The following NMT2 variants were observed in gnomAD, a reference collection of about 807,000 sequenced individuals.
NMT2 encodes N-myristoyltransferase 2.
In NMT2, 35 loss-of-function variants were observed where a neutral mutation model predicts 65.4. That is an observed-to-expected ratio of 0.54 (90% CI 0.41 to 0.71). The LOEUF is 0.71. Ranked by LOEUF, NMT2 falls within the 30% of genes least tolerant of loss-of-function variation. The pLI is 0.00. For missense variants in NMT2, 489 were observed against 611.3 expected (o/e 0.80, Z 2.11); for synonymous variants, 226 against 231.8 (o/e 0.98, Z 0.23).
intron 1 of NMT2, among the ~76,000 whole-genome samples, chr10:15,149,550 CCATCATCACCAA>C (rs1564585155): frequency 1.8e-4 from 12 of 68,052 alleles, no homozygotes; most frequent in Middle Eastern, 7.6e-3. Context: ...ACCATCACCA[CCATCATCACCAA>C]CATCATCACC....
chr10:15,117,380 G>A (rs1845778669), intron 9 of NMT2, among the ~76,000 whole-genome samples: 1 of 152,164 alleles, frequency 6.6e-6, no homozygotes, highest in Non-Finnish European at 1.5e-5. Flanking sequence ...GTTAGAAATA[G>A]AGGAGAATGA....
intron 9 of NMT2, among the ~76,000 whole-genome samples, chr10:15,113,420 A>G (rs916589747): frequency 7.0e-6 from 1 of 142,780 alleles, no homozygotes; most frequent in African/African-American, 2.7e-5. Flanking sequence ...CAGTGAGCCA[A>G]GATTGTGTCA....
chr10:15,120,704 T>G (rs1845899838), intron 8 of NMT2, among the ~76,000 whole-genome samples: 1 of 152,180 alleles, frequency 6.6e-6, no homozygotes, highest in Non-Finnish European at 1.5e-5. Flanking sequence ...TTTTGTTCTC[T>G]TGAACAAAAA....
chr10:15,148,850 T>C (rs149998481), intron 1 of NMT2, among the ~76,000 whole-genome samples: 1 of 152,116 alleles, frequency 6.6e-6, no homozygotes, highest in African/African-American at 2.4e-5. Context: ...GCTGACAATA[T>C]GAATAAGCAC....
chr10:15,130,349 C>T (rs1157464079), intron 6 of NMT2, 37 bp from the exon 7 acceptor site: 10 of 1,432,560 alleles, frequency 7.0e-6, no homozygotes, highest in Admixed American at 4.6e-5. Context: ...AGAGTCAAAA[C>T]GAGATTCAAA....
At chr10:15,109,908 T>G (rs7918775) in intron 10 of NMT2, 69 bp from the exon 11 acceptor site, 263,472 of 1,269,506 alleles carry the variant, frequency 0.21, 33,775 homozygotes, top group African/African-American at 0.61. Context: ...ATATCTCAGT[T>G]TAACAATTCT....
At chr10:15,118,915 G>A (rs1845834005) in intron 9 of NMT2, among the ~76,000 whole-genome samples, 1 of 152,200 alleles carries the variant, frequency 6.6e-6, no homozygotes, top group South Asian at 2.1e-4. Flanking sequence ...TTCCCAAAAT[G>A]TGGTCTGTGA....
At position 15,128,368 on chromosome 10, in the gene NMT2, C is replaced by T. The variant is rs1564569133; in HGVS notation, c.981G>A (p.Lys327=). The T allele has an allele frequency of 1.3e-6, 2 of 1,593,648 alleles. No individual in the cohort carries two copies. Among genetic ancestry groups the T allele is most frequent in the African/African-American group, 1.3e-5 (1 of 74,488 alleles). ...TACTTACATCTGGAAGTCTGTATAG[C>T]TTCATTGTTCTCTGTAAAGTCATAT... The part of the protein sequence containing the change: ...SRNMTLQRTM[K]LYRLPDVTKT... The change falls in exon 8 of 12, where the codon AAG becomes AAA. Residue 327 remains lysine (K), a synonymous_variant. Transcript: ENST00000378165.
chr10:15,110,642 C>CA, intron 10 of NMT2, among the ~76,000 whole-genome samples: 1 of 116,830 alleles, frequency 8.6e-6, no homozygotes, highest in South Asian at 2.2e-4. Flanking sequence ...TCTCAAAAAA[C>CA]AAACAAACTA....
chr10:15,154,847 A>C (rs1327878213), intron 1 of NMT2: 1 of 782,396 alleles, frequency 1.3e-6, no homozygotes, highest in African/African-American at 1.7e-5. Flanking sequence ...TGCTCTTGCC[A>C]TTCTTGGACC....
chr10:15,108,103 T>C lies in NMT2; in HGVS notation c.*1092A>G, dbSNP rs540619234. 138 of 985,548 alleles carry C rather than the reference T, an allele frequency of 1.4e-4. No individual in the cohort carries two copies. The highest frequency in any genetic ancestry group is 1.7e-4 in the Non-Finnish European group (137 of 829,912). 61.1% of individuals were successfully genotyped at this position (985,548 alleles called of 1,614,324 possible). A position where few individuals can be genotyped will look rare whatever the true frequency, so the allele number is the denominator to read the frequency against. On this transcript the variant is annotated 3_prime_UTR_variant, in exon 12 of 12. Coordinates refer to ENST00000378165, the MANE Select transcript of NMT2 (RefSeq NM_004808.3). The stretch of plus-strand genomic sequence containing the variant: ...CTTTACAGTTTTTTATTTCCTTTTC[T>C]TCATATATCCTTGATGTTGCTGAGA...
At chr10:15,137,064 T>C (rs962632479) in intron 2 of NMT2, among the ~76,000 whole-genome samples, 1 of 152,156 alleles carries the variant, frequency 6.6e-6, no homozygotes, top group African/African-American at 2.4e-5. Context: ...CAACACAGGG[T>C]GGACACCATT....
chr10:15,132,449 T>C (rs1009302087), intron 6 of NMT2, among the ~76,000 whole-genome samples: 1 of 152,028 alleles, frequency 6.6e-6, no homozygotes, highest in African/African-American at 2.4e-5. Context: ...TTTTTTGAGA[T>C]GGAGTTTCGC....
chr10:15,116,969 G>A (rs924221816), intron 9 of NMT2, among the ~76,000 whole-genome samples: 2 of 152,124 alleles, frequency 1.3e-5, no homozygotes, highest in African/African-American at 4.8e-5. Context: ...TTCAACTGGA[G>A]AATTCTAACA....
chr10:15,127,572 AAATAAAT>A (rs1373849406), intron 8 of NMT2, among the ~76,000 whole-genome samples: 7 of 107,462 alleles, frequency 6.5e-5, no homozygotes, highest in Admixed American at 2.1e-4. Flanking sequence ...AAAAAAAAAT[AAATAAAT>A]AAATAAATAA....
At chr10:15,163,423 G>T (rs1045776048) in intron 1 of NMT2, among the ~76,000 whole-genome samples, 1 of 152,172 alleles carries the variant, frequency 6.6e-6, no homozygotes, top group African/African-American at 2.4e-5. Flanking sequence ...GAAAAAATTT[G>T]TTCTGGGCCA....
chr10:15,145,648 G>C (rs1329450122), intron 1 of NMT2, among the ~76,000 whole-genome samples: 1 of 152,210 alleles, frequency 6.6e-6, no homozygotes, highest in Non-Finnish European at 1.5e-5. Context: ...CCAAAGTGCT[G>C]GGATTAGAGG....
intron 1 of NMT2, among the ~76,000 whole-genome samples, chr10:15,165,099 G>A (rs559166783): frequency 6.6e-6 from 1 of 151,490 alleles, no homozygotes; most frequent in South Asian, 2.1e-4. Context: ...GGAGGTGGAG[G>A]TTGCAGTGCG....
intron 1 of NMT2, chr10:15,155,120 T>C (rs1211245793): frequency 2.0e-6 from 3 of 1,482,778 alleles, no homozygotes; most frequent in Non-Finnish European, 2.8e-6. Context: ...CATTATGGCA[T>C]GTAAAGTCAC....
Sources: allele counts gnomAD v4.1 joint callset (sites outside exome capture counted in the v4.1 genomes callset), GRCh38; gene constraint gnomAD v4.1.1; transcripts MANE v1.5; gene names NCBI Gene and HGNC (gene_info 2026-07-23, HGNC 2026-07-21).